The following CD226 variants were observed in gnomAD, a reference collection of about 807,000 sequenced individuals.
The protein encoded by CD226 is CD226 antigen.
CD226 carries 24 observed loss-of-function variants against 34.9 expected under a neutral mutation model. The ratio of observed to expected loss-of-function variants is 0.69; its 90% CI spans 0.50 to 0.97. The LOEUF (loss-of-function observed/expected upper bound fraction) is 0.97, where lower values mean the gene tolerates loss of function less well. Among genes scored for constraint, CD226 ranks in the 50% least tolerant of loss-of-function variants. The pLI is 0.00. For synonymous variants in CD226, 148 were observed against 147.4 expected, an observed-to-expected ratio of 1.00 and a Z score of -0.03; for missense variants, 397 against 412.7, an observed-to-expected ratio of 0.96 and a Z score of 0.33.
At chr18:69,945,819 G>C (rs748580788) in intron 2 of CD226, among the ~76,000 whole-genome samples, 1 of 152,076 alleles carries the variant, frequency 6.6e-6, no homozygotes, top group Non-Finnish European at 1.5e-5. Context: ...ACATGTCTGG[G>C]GAAGCCTCAC....
intron 2 of CD226, among the ~76,000 whole-genome samples, chr18:69,939,397 A>C (rs2055695616): frequency 6.6e-6 from 1 of 152,220 alleles, no homozygotes; most frequent in African/African-American, 2.4e-5. Context: ...CTTTCAACAC[A>C]AAGTTCATGA....
intron 2 of CD226, among the ~76,000 whole-genome samples, chr18:69,940,354 C>T (rs1010063554): frequency 2.6e-5 from 4 of 152,128 alleles, no homozygotes; most frequent in African/African-American, 9.7e-5. Context: ...GTAAAGATAT[C>T]CACAAGTGTG....
At chr18:69,888,151 G>C (rs1984669943) in intron 3 of CD226, among the ~76,000 whole-genome samples, 1 of 152,144 alleles carries the variant, frequency 6.6e-6, no homozygotes, top group African/African-American at 2.4e-5. Context: ...TATTAAGAAT[G>C]AAATGCTATT....
chr18:69,884,907 C>A (rs1460172402), intron 3 of CD226, among the ~76,000 whole-genome samples: 1 of 152,186 alleles, frequency 6.6e-6, no homozygotes, highest in African/African-American at 2.4e-5. Context: ...TCTTTGCAGT[C>A]TCTTAGGAGG....
intron 2 of CD226, among the ~76,000 whole-genome samples, chr18:69,945,654 G>C (rs1255937611): frequency 2.0e-5 from 3 of 152,112 alleles, no homozygotes; most frequent in Non-Finnish European, 4.4e-5. Flanking sequence ...AGGAGTCCAA[G>C]ACCAGCCTGG....
intron 2 of CD226, among the ~76,000 whole-genome samples, chr18:69,918,429 G>A (rs1259315969): frequency 6.6e-6 from 1 of 152,060 alleles, no homozygotes; most frequent in Non-Finnish European, 1.5e-5. Flanking sequence ...GTGGTGGCAG[G>A]CACCTGTAAT....
At chr18:69,956,672 GCAGCCCC>G (rs67532422) in intron 1 of CD226, 115,201 of 151,738 alleles carry the variant, frequency 0.76, 51,141 homozygotes, top group East Asian at 1. Flanking sequence ...GGTTTCACTG[GCAGCCCC>G]CACCCTTTCG....
intron 2 of CD226, among the ~76,000 whole-genome samples, chr18:69,936,994 T>TA (rs2055662042): frequency 6.6e-6 from 1 of 152,218 alleles, no homozygotes; most frequent in Non-Finnish European, 1.5e-5. Context: ...CTGTCATTAA[T>TA]AGATATGATA....
At chr18:69,958,000 T>C (rs1316266011), upstream of CD226, among the ~76,000 whole-genome samples, 1 of 152,210 alleles carries the variant, frequency 6.6e-6, no homozygotes, top group East Asian at 1.9e-4. Flanking sequence ...TTGAGGACAA[T>C]GCTCTAATGG....
At chr18:69,951,197 C>T (rs1805629647), upstream of CD226, among the ~76,000 whole-genome samples, 3 of 151,820 alleles carry the variant, frequency 2.0e-5, no homozygotes, top group African/African-American at 7.3e-5. Flanking sequence ...CTTGGAGCTT[C>T]TGGACTCATG....
At chr18:69,867,207 T>G (rs1983200650) in intron 5 of CD226, 150 bp downstream of exon 5, 3 of 615,850 alleles carry the variant, frequency 4.9e-6, no homozygotes, top group Non-Finnish European at 5.8e-6. Context: ...GAAAATAACT[T>G]TCTCCAAATA....
At chr18:69,940,307 T>C (rs2055707191) in intron 2 of CD226, among the ~76,000 whole-genome samples, 1 of 152,130 alleles carries the variant, frequency 6.6e-6, no homozygotes, top group Admixed American at 6.5e-5. Context: ...AACTGAGTAA[T>C]ACAGTAAATG....
chr18:69,869,699 TAAAG>T (rs1380600325), intron 4 of CD226, among the ~76,000 whole-genome samples: 2 of 151,074 alleles, frequency 1.3e-5, no homozygotes, highest in African/African-American at 2.4e-5. Flanking sequence ...AATAAAAAAA[TAAAG>T]AGAGTAAACA....
intron 2 of CD226, among the ~76,000 whole-genome samples, chr18:69,898,687 G>A (rs1227315505): frequency 1.3e-5 from 2 of 152,150 alleles, no homozygotes; most frequent in Admixed American, 1.3e-4. Flanking sequence ...GACAAACAGA[G>A]TAACTGATTG....
intron 2 of CD226, among the ~76,000 whole-genome samples, chr18:69,928,767 G>A (rs1448034158): frequency 2.6e-5 from 4 of 152,208 alleles, no homozygotes; most frequent in African/African-American, 9.6e-5. Flanking sequence ...GAGCATTTCA[G>A]ATTTCAGATT....
In CD226 at chr18:69,901,866, A is replaced by G. The variant is rs546847783; in HGVS notation, c.383-5821T>C. 2.9e-4 allele frequency among the ~76,000 whole-genome samples: 44 copies of G among 151,432 alleles called. 1 individual carries two copies. Among genetic ancestry groups the G allele is most frequent in the Admixed American group, 1.8e-3 (27 of 15,270 alleles). On this transcript the variant is annotated intron_variant, in intron 2 of 5. Coordinates refer to ENST00000582621, the MANE Select transcript of CD226 (RefSeq NM_001303618.2). ...TGCACTCCAGCCTGGGCGACAGAGC[A>G]AGACTCTGACTCAAAAAAAAAAAAA...
At chr18:69,865,147 G>A (rs1300199788) in intron 5 of CD226, among the ~76,000 whole-genome samples, 4 of 151,916 alleles carry the variant, frequency 2.6e-5, no homozygotes, top group Admixed American at 1.3e-4. Context: ...GCACCATCAC[G>A]CCCAGCTAAT....
chr18:69,913,197 C>T (rs1189971905), intron 2 of CD226, among the ~76,000 whole-genome samples: 1 of 152,106 alleles, frequency 6.6e-6, no homozygotes, highest in Non-Finnish European at 1.5e-5. Context: ...CTCACCTTTC[C>T]CAATAGCAGT....
At chr18:69,882,110 G>GA (rs1182347174) in intron 3 of CD226, among the ~76,000 whole-genome samples, 1 of 152,160 alleles carries the variant, frequency 6.6e-6, no homozygotes, top group Non-Finnish European at 1.5e-5. Flanking sequence ...TTTTAACTAA[G>GA]AAACATAAGG....
Sources: gnomAD v4.1 joint callset for allele counts (sites outside exome capture counted in the v4.1 genomes callset) on GRCh38, gnomAD v4.1.1 for gene constraint, MANE v1.5 for transcripts, NCBI Gene and HGNC (gene_info 2026-07-23, HGNC 2026-07-21) for gene names.